Variants in ZNF804B observed in about 807,000 individuals in gnomAD.
ZNF804B encodes the protein zinc finger 804B.
A neutral mutation model predicts 101.4 loss-of-function variants in ZNF804B; 80 were observed. The observed-to-expected ratio is 0.79, with a 90% CI of 0.66 to 0.95. ZNF804B has a LOEUF of 0.95. ZNF804B is among the 40% of genes least tolerant of loss of function. The pLI, the probability that ZNF804B is intolerant of heterozygous loss-of-function variation, is 0.00. For synonymous variants in ZNF804B, 622 were observed against 558.8 expected, an observed-to-expected ratio of 1.11 and a Z score of -1.59; for missense variants, 1,673 against 1,561.9, an observed-to-expected ratio of 1.07 and a Z score of -1.20.
At chr7:88,791,106 C>G (rs189690879) in intron 1 of ZNF804B, among the ~76,000 whole-genome samples, 119 of 152,104 alleles carry the variant, frequency 7.8e-4, no homozygotes, top group Non-Finnish European at 1.1e-3. Context: ...CAATGGAGAT[C>G]AAATCTTAAA....
chr7:89,176,721 G>T (rs1448013261), intron 1 of ZNF804B, among the ~76,000 whole-genome samples: 1 of 150,422 alleles, frequency 6.6e-6, no homozygotes, highest in African/African-American at 2.4e-5. Flanking sequence ...ATTGGTATTA[G>T]TTCTTTAAAA....
At chr7:88,794,647 A>T (rs1338198877) in intron 1 of ZNF804B, 2 of 1,613,832 alleles carry the variant, frequency 1.2e-6, no homozygotes, top group South Asian at 2.2e-5. Context: ...GGACTCGAGG[A>T]TATGCAGAAT....
chr7:89,134,865 A>G (rs1790606168), intron 1 of ZNF804B, among the ~76,000 whole-genome samples: 1 of 151,922 alleles, frequency 6.6e-6, no homozygotes, highest in Admixed American at 6.6e-5. Flanking sequence ...TTTTTGAGCT[A>G]CTATGTACTG....
intron 2 of ZNF804B, among the ~76,000 whole-genome samples, chr7:89,266,298 A>G (rs1286555298): frequency 4.6e-5 from 7 of 152,150 alleles, no homozygotes; most frequent in African/African-American, 1.7e-4. Flanking sequence ...CAGCTATGAA[A>G]AAAGAACCAT....
rs548778585 is a variant in ZNF804B at position 88,831,835 on chromosome 7, T to C, written c.108+71751T>C. On this transcript the variant is annotated intron_variant, in intron 1 of 3. Transcript: ENST00000333190. ...TTCCTAAGAGCTTATATATGAAATA[T>C]ATTCACAAGTTTTGTCAAATATATT... Among the ~76,000 whole-genome samples, 273 of 152,088 alleles carry C rather than the reference T, an allele frequency of 1.8e-3. 2 individuals are homozygous for C. Among genetic ancestry groups the C allele is most frequent in the South Asian group, 3.5e-3 (17 of 4,828 alleles).
chr7:88,979,453 A>G (rs1279851497), intron 1 of ZNF804B, among the ~76,000 whole-genome samples: 6 of 151,892 alleles, frequency 4.0e-5, no homozygotes, highest in Admixed American at 2.0e-4. Flanking sequence ...TGGATATACT[A>G]TAGATAAAGG....
intron 1 of ZNF804B, among the ~76,000 whole-genome samples, chr7:88,832,499 G>C (rs1465237438): frequency 6.6e-6 from 1 of 151,812 alleles, no homozygotes. Flanking sequence ...GCACAACACA[G>C]TCTCCTTCTG....
chr7:89,153,777 A>G (rs1790914275), intron 1 of ZNF804B, among the ~76,000 whole-genome samples: 1 of 152,120 alleles, frequency 6.6e-6, no homozygotes, highest in African/African-American at 2.4e-5. Flanking sequence ...GAAGGTCTTC[A>G]GTTATATCAA....
chr7:89,171,358 C>G (rs1479761157), intron 1 of ZNF804B, among the ~76,000 whole-genome samples: 9 of 102,698 alleles, frequency 8.8e-5, no homozygotes, highest in Non-Finnish European at 1.5e-4. Context: ...TCTTCTTCTT[C>G]CTCCTCTTCC....
At chr7:89,326,423 A>G (rs1421636410) in intron 2 of ZNF804B, among the ~76,000 whole-genome samples, 1 of 152,076 alleles carries the variant, frequency 6.6e-6, no homozygotes, top group East Asian at 1.9e-4. Context: ...ACGTCACATG[A>G]TAACTATGTA....
chr7:89,053,523 C>CTT (rs1238671319), intron 1 of ZNF804B, among the ~76,000 whole-genome samples: 1 of 152,046 alleles, frequency 6.6e-6, no homozygotes, highest in African/African-American at 2.4e-5. Flanking sequence ...TGCAACTGAA[C>CTT]TTTGCAGCAG....
Position 88,861,670 on chromosome 7 carries a change from A to T in ZNF804B, c.108+101586A>T, listed in dbSNP as rs1269802035. On this transcript the variant is annotated intron_variant, in intron 1 of 3. Coordinates refer to ENST00000333190, the MANE Select transcript of ZNF804B (RefSeq NM_181646.5). ...GTGTCACTGTAATAACATATCTTCT[A>T]TCGTAGGTCTGCACTTACTCTTTAC... is the stretch of plus-strand genomic sequence containing the variant. 3.3e-5 allele frequency among the ~76,000 whole-genome samples: 5 copies of T among 152,260 alleles called. No individual in the cohort carries two copies. The East Asian group carries it at 9.6e-4, about 29-fold the overall frequency.
intron 1 of ZNF804B, among the ~76,000 whole-genome samples, chr7:88,909,317 A>C (rs1430822615): frequency 6.6e-6 from 1 of 151,790 alleles, no homozygotes; most frequent in Non-Finnish European, 1.5e-5. Context: ...TTTCTATGAC[A>C]CTTGTAGGTG....
intron 2 of ZNF804B, among the ~76,000 whole-genome samples, chr7:89,293,721 G>T (rs1012346556): frequency 6.6e-6 from 1 of 151,828 alleles, no homozygotes; most frequent in African/African-American, 2.4e-5. Flanking sequence ...CCCAGGAGGC[G>T]GAGCTTGCAG....
At chr7:89,265,303 C>CGCACGCGCGT (rs1554386429) in intron 2 of ZNF804B, among the ~76,000 whole-genome samples, 46 of 135,992 alleles carry the variant, frequency 3.4e-4, no homozygotes, top group African/African-American at 9.8e-4. Flanking sequence ...TGCGCGTGCG[C>CGCACGCGCGT]GCGCGCACAC....
At chr7:88,929,988 G>A (rs999707124) in intron 1 of ZNF804B, among the ~76,000 whole-genome samples, 1 of 151,930 alleles carries the variant, frequency 6.6e-6, no homozygotes, top group Admixed American at 6.6e-5. Context: ...AAGAAAGGTG[G>A]TTCCAAAATG....
intron 1 of ZNF804B, among the ~76,000 whole-genome samples, chr7:89,186,320 T>C (rs772482466): frequency 6.6e-6 from 1 of 152,118 alleles, no homozygotes; most frequent in African/African-American, 2.4e-5. Context: ...GATGCATTTT[T>C]AAAAGCAAGT....
chr7:89,078,181 A>T (rs112982457), intron 1 of ZNF804B, among the ~76,000 whole-genome samples: 55 of 152,198 alleles, frequency 3.6e-4, no homozygotes, highest in African/African-American at 1.2e-3. Context: ...ATTAAGGTGA[A>T]TCTCAGTGTG....
At chr7:89,314,065 A>G (rs1790683831) in intron 2 of ZNF804B, among the ~76,000 whole-genome samples, 2 of 152,196 alleles carry the variant, frequency 1.3e-5, no homozygotes, top group Admixed American at 6.5e-5. Flanking sequence ...TGATTAATAT[A>G]AATTTTGTGT....
Sources: gnomAD v4.1 joint callset for allele counts (sites outside exome capture counted in the v4.1 genomes callset) on GRCh38, gnomAD v4.1.1 for gene constraint, MANE v1.5 for transcripts, NCBI Gene and HGNC (gene_info 2026-07-23, HGNC 2026-07-21) for gene names.